Variants in AMPH observed in about 807,000 individuals in gnomAD.
The protein encoded by AMPH is amphiphysin, also known as amphiphysin (Stiff-Mann syndrome with breast cancer 128kD autoantigen).
AMPH carries 49 observed loss-of-function variants against 99.1 expected under a neutral mutation model. The ratio of observed to expected loss-of-function variants is 0.49; its 90% CI spans 0.39 to 0.63. The LOEUF is 0.63. Ranked by LOEUF, AMPH falls within the 20% of genes least tolerant of loss-of-function variation. AMPH has a pLI of 0.00. For missense variants in AMPH, 759 were observed against 863.4 expected, an observed-to-expected ratio of 0.88 and a Z score of 1.52; for synonymous variants, 314 against 317.3, an observed-to-expected ratio of 0.99 and a Z score of 0.11.
intron 3 of AMPH, among the ~76,000 whole-genome samples, 180 bp downstream of exon 3, chr7:38,503,470 T>C (rs1473829584): frequency 2.2e-5 from 3 of 134,636 alleles, no homozygotes; most frequent in Non-Finnish European, 4.7e-5. Context: ...TATATTCTGA[T>C]TATCATTTCA....
At chr7:38,437,803 C>T (rs34826441) in intron 11 of AMPH, among the ~76,000 whole-genome samples, 4,536 of 151,550 alleles carry the variant, frequency 0.03, 97 homozygotes, top group South Asian at 0.1. Context: ...GGCTCCATTC[C>T]CCCCCAAAAA....
chr7:38,402,475 C>T (rs745557892), intron 17 of AMPH, among the ~76,000 whole-genome samples: 6 of 152,184 alleles, frequency 3.9e-5, no homozygotes, highest in Non-Finnish European at 7.3e-5. Flanking sequence ...TTACAGTAGA[C>T]GTGGAAACAT....
At chr7:38,575,051 TAAAAAAAAAA>T (rs3056279) in intron 1 of AMPH, among the ~76,000 whole-genome samples, 1 of 105,310 alleles carries the variant, frequency 9.5e-6, no homozygotes, top group South Asian at 3.6e-4. Flanking sequence ...AGACTCTGTC[TAAAAAAAAAA>T]AAAAAAAAAA....
intron 11 of AMPH, among the ~76,000 whole-genome samples, chr7:38,459,076 C>T (rs1224787377): frequency 6.6e-6 from 1 of 151,966 alleles, no homozygotes; most frequent in Non-Finnish European, 1.5e-5. Context: ...CATTTCTGTA[C>T]ACCAATAAAG....
intron 11 of AMPH, among the ~76,000 whole-genome samples, chr7:38,447,880 T>A (rs1432714340): frequency 3.3e-5 from 5 of 152,188 alleles, no homozygotes; most frequent in Admixed American, 3.3e-4. Flanking sequence ...GAGATTTTCA[T>A]CTTTTATTCT....
rs762982879 is a variant in AMPH, at chr7:38,476,841, C to T, written c.504+21G>A. ...GTCATAAAATACGGAGAGTGGTATT[C>T]ACCATGGGCTCAATCCCTACCTTAG... On this transcript the variant is annotated intron_variant, in intron 6 of 20. Transcript: ENST00000356264. The T allele has an allele frequency of 6.3e-6, 10 of 1,579,074 alleles. No homozygotes were observed. The South Asian group carries it at 7.8e-5, about 12-fold the overall frequency.
intron 17 of AMPH, among the ~76,000 whole-genome samples, chr7:38,395,790 T>C (rs6953888): frequency 0.039 from 5,974 of 152,172 alleles, 370 homozygotes; most frequent in African/African-American, 0.14. Context: ...AAAAGGACAA[T>C]GAAGAGTACC....
chr7:38,494,481 G>A lies in AMPH; in HGVS notation c.252C>T (p.Val84=), dbSNP rs762269728. The change falls in exon 4 of 21, where the codon GTC becomes GTT. Residue 84 remains valine, a synonymous_variant. Coordinates refer to ENST00000356264, the MANE Select transcript of AMPH (RefSeq NM_001635.4). ...SMKLTESLHE[V]YEPDWYGRED... is the part of the protein sequence containing the mutation. ...CCCGCCCATACCAGTCAGGCTCATA[G>A]ACTTCATGCAGCGACTCTGTGAGCT... 3.7e-6 allele frequency: 6 copies of A among 1,613,930 alleles called. No individual in the cohort carries two copies. In the East Asian group the frequency reaches 1.3e-4, roughly 36 times the overall value.
At chr7:38,623,026 G>T (rs191356880) in intron 1 of AMPH, among the ~76,000 whole-genome samples, 260 of 152,290 alleles carry the variant, frequency 1.7e-3, no homozygotes, top group African/African-American at 6.1e-3. Context: ...TCACAAGGCT[G>T]TAGTAAAAAC....
chr7:38,446,205 G>A (rs58875842), intron 11 of AMPH, among the ~76,000 whole-genome samples: 8,649 of 152,192 alleles, frequency 0.057, 641 homozygotes, highest in East Asian at 0.35. Flanking sequence ...ACTCTTATGC[G>A]ATGCTGATGA....
At chr7:38,627,461 C>T (rs2129073182) in intron 1 of AMPH, among the ~76,000 whole-genome samples, 1 of 151,088 alleles carries the variant, frequency 6.6e-6, no homozygotes, top group South Asian at 2.1e-4. Flanking sequence ...CGAGACCATC[C>T]TGGCTAACAC....
intron 11 of AMPH, among the ~76,000 whole-genome samples, chr7:38,451,384 G>GTATA (rs1562764424): frequency 6.7e-6 from 1 of 148,502 alleles, no homozygotes; most frequent in Non-Finnish European, 1.5e-5. Context: ...ATATACACAT[G>GTATA]TATATATACA....
At chr7:38,573,095 C>T (rs1374588769) in intron 1 of AMPH, among the ~76,000 whole-genome samples, 1 of 152,118 alleles carries the variant, frequency 6.6e-6, no homozygotes, top group African/African-American at 2.4e-5. Context: ...CTTTTGAAGG[C>T]TCTGAAAAGA....
chr7:38,431,596 C>T (rs568751248), intron 13 of AMPH, among the ~76,000 whole-genome samples: 2 of 149,912 alleles, frequency 1.3e-5, no homozygotes, highest in East Asian at 3.9e-4. Context: ...GCGGAGCTTG[C>T]AGTGAGCCGA....
intron 1 of AMPH, among the ~76,000 whole-genome samples, chr7:38,626,458 T>G (rs1794244911): frequency 6.6e-6 from 1 of 152,186 alleles, no homozygotes; most frequent in South Asian, 2.1e-4. Flanking sequence ...GAGTCCCTAT[T>G]TACTAAATGG....
chr7:38,602,533 G>A (rs1401236438), intron 1 of AMPH, among the ~76,000 whole-genome samples: 1 of 152,066 alleles, frequency 6.6e-6, no homozygotes, highest in African/African-American at 2.4e-5. Context: ...TCTGCTTCAT[G>A]GTCGCATCTC....
chr7:38,440,617 C>T (rs541520367), intron 11 of AMPH, among the ~76,000 whole-genome samples: 6 of 152,070 alleles, frequency 3.9e-5, no homozygotes, highest in African/African-American at 1.4e-4. Flanking sequence ...AAATCAATGA[C>T]AAAAATTGCA....
intron 2 of AMPH, among the ~76,000 whole-genome samples, chr7:38,515,239 G>T (rs1277508467): frequency 6.6e-6 from 1 of 152,162 alleles, no homozygotes; most frequent in Non-Finnish European, 1.5e-5. Flanking sequence ...GAGGGTGATT[G>T]ATATGGTGTG....
chr7:38,623,191 A>T (rs1794129738), intron 1 of AMPH, among the ~76,000 whole-genome samples: 1 of 152,236 alleles, frequency 6.6e-6, no homozygotes, highest in South Asian at 2.1e-4. Flanking sequence ...ATCTAATTTC[A>T]TACACCAAGT....
Sources: allele counts gnomAD v4.1 joint callset (sites outside exome capture counted in the v4.1 genomes callset), GRCh38; gene constraint gnomAD v4.1.1; transcripts MANE v1.5; gene names NCBI Gene and HGNC (gene_info 2026-07-23, HGNC 2026-07-21).